Variants in PKHD1 observed in about 807,000 individuals in gnomAD.
PKHD1 encodes the protein fibrocystin.
Under a neutral mutation model 412.0 loss-of-function variants are expected in PKHD1, and 291 were observed. The ratio of observed to expected loss-of-function variants is 0.71; its 90% CI spans 0.64 to 0.78. The LOEUF (loss-of-function observed/expected upper bound fraction) is 0.78, where lower values mean the gene tolerates loss of function less well. PKHD1 is among the 30% of genes least tolerant of loss of function. PKHD1 has a pLI of 0.00. For synonymous variants in PKHD1, 1,777 were observed against 1,821.5 expected (o/e 0.98, Z 0.62); for missense variants, 4,825 against 4,950.7 (o/e 0.97, Z 0.76).
chr6:51,727,742 G>A lies in PKHD1; in HGVS notation c.10156+16643C>T, dbSNP rs371801845. On this transcript the variant is annotated intron_variant, in intron 60 of 66. Coordinates refer to ENST00000371117, the MANE Select transcript of PKHD1 (RefSeq NM_138694.4). ...GCCATTTTTGTCTCTTAGTGCATAT[G>A]CCCAGGAAGTTGCTTCTTCCTGGCG... Among the ~76,000 whole-genome samples the A allele has an allele frequency of 2.0e-5, 3 of 152,122 alleles. No homozygotes were observed. In the South Asian group the frequency reaches 6.2e-4, roughly 32 times the overall value.
intron 51 of PKHD1, among the ~76,000 whole-genome samples, chr6:51,834,194 G>T (rs904944896): frequency 6.6e-6 from 1 of 152,128 alleles, no homozygotes; most frequent in Non-Finnish European, 1.5e-5. Context: ...AACAGAAGAA[G>T]CCAGTAAGGA....
In PKHD1 at chr6:52,076,309, C is replaced by T. The variant is rs747975201; in HGVS notation, c.415G>A (p.Val139Ile). 5.0e-6 allele frequency: 8 copies of T among 1,612,384 alleles called. No homozygotes were observed. The highest frequency in any genetic ancestry group is 2.7e-5 in the African/African-American group (2 of 74,874). Residue 139 changes from valine to isoleucine, a missense_variant, in exon 6 of 67, where the codon GTT (valine) becomes ATT (isoleucine). Transcript: ENST00000371117. ...FKFSKAQTPI[V>I]HQVYPPSGVP... ...CCACTTGGTGGATAAACTTGGTGAA[C>T]GATGGGTGTCTGCGCCTTGGAAAAC...
rs564031059 is a variant in PKHD1 at position 51,896,689 on chromosome 6, G to T, written c.6996+6908C>A. On this transcript the variant is annotated intron_variant, in intron 43 of 66. Coordinates refer to ENST00000371117, the MANE Select transcript of PKHD1 (RefSeq NM_138694.4). The stretch of plus-strand genomic sequence containing the variant: ...GAATGACTTTGACGAGCTGAGAGAA[G>T]AAGGCTTCAGACGATCAAATTACTC... Among the ~76,000 whole-genome samples the T allele has an allele frequency of 5.9e-5, 9 of 152,336 alleles. 1 individual carries two copies. The South Asian group carries it at 1.9e-3, about 32-fold the overall frequency.
At chr6:52,028,419 T>G in intron 29 of PKHD1, 68 bp from the exon 30 acceptor site, 2 of 1,429,266 alleles carry the variant, frequency 1.4e-6, no homozygotes, top group Non-Finnish European at 2.0e-6. Flanking sequence ...TATTCAATTC[T>G]AAAACTGTCT....
At chr6:51,674,523 C>T (rs1425964327) in intron 60 of PKHD1, among the ~76,000 whole-genome samples, 3 of 152,046 alleles carry the variant, frequency 2.0e-5, no homozygotes, top group Admixed American at 6.6e-5. Context: ...AAAACTTGAG[C>T]CACAGCAATT....
chr6:51,903,968 A>C lies in PKHD1; in HGVS notation c.6865+18T>G. 6.6e-7 allele frequency: 1 copy of C among 1,505,214 alleles called. No homozygotes were observed. Among genetic ancestry groups the C allele is most frequent in the African/African-American group, 1.4e-5 (1 of 72,754 alleles). 93.2% of individuals were successfully genotyped at this position (1,505,214 alleles called of 1,614,324 possible). On this transcript the variant is annotated intron_variant, in intron 42 of 66. Transcript: ENST00000371117. ...TTAAATACACTGTAATAGATTTAAA[A>C]TCAATTTACATATTTACCATCTTTC...
chr6:51,755,315 T>C (rs1011773272), intron 55 of PKHD1, among the ~76,000 whole-genome samples: 5 of 152,186 alleles, frequency 3.3e-5, no homozygotes, highest in African/African-American at 1.2e-4. Context: ...TCTCTAATTT[T>C]CTAGAGAAAT....
intron 50 of PKHD1, among the ~76,000 whole-genome samples, chr6:51,837,610 G>C (rs1317263838): frequency 1.3e-5 from 2 of 152,096 alleles, no homozygotes; most frequent in African/African-American, 4.8e-5. Context: ...GGAAGCTGAG[G>C]CAGGAGAATT....
At position 51,885,752 on chromosome 6, in the gene PKHD1, C is replaced by T. The variant is rs545419169; in HGVS notation, c.7215+115G>A. ...TGTGACAGCACAGCAATGCTCCCCT[C>T]AAGGGCAAGTCAATCCCATTTAAGT... On this transcript the variant is annotated intron_variant, in intron 45 of 66. Transcript: ENST00000371117. 2.4e-5 allele frequency: 18 copies of T among 754,916 alleles called. No homozygotes were observed. In the African/African-American group the frequency reaches 2.8e-4, roughly 12 times the overall value. 46.8% of individuals were successfully genotyped at this position (754,916 alleles called of 1,614,324 possible).
At chr6:51,970,538 A>G (rs2127990628) in intron 35 of PKHD1, among the ~76,000 whole-genome samples, 1 of 152,322 alleles carries the variant, frequency 6.6e-6, no homozygotes, top group East Asian at 1.9e-4. Context: ...GCCAATATCC[A>G]AAAAAGTTTT....
In PKHD1 at chr6:51,969,302, T is replaced by C. The variant is rs1453535143; in HGVS notation, c.5752-9276A>G. 3.9e-5 allele frequency among the ~76,000 whole-genome samples: 6 copies of C among 152,294 alleles called. No individual in the cohort carries two copies. The East Asian group carries it at 1.2e-3, about 29-fold the overall frequency. On this transcript the variant is annotated intron_variant, in intron 35 of 66. Coordinates refer to ENST00000371117, the MANE Select transcript of PKHD1 (RefSeq NM_138694.4). ...CTGACAACCTGAATGAACTTGGAGG[T>C]AGACCTTGAATTCCAGATGAGAATG...
rs1807126491 is a variant in PKHD1 at position 52,053,069 on chromosome 6, T to C, written c.2140+7A>G. On this transcript the variant is annotated splice_region_variant and intron_variant, in intron 21 of 66. Transcript: ENST00000371117. ...GGCTTGTGGAGGAGAGAGAATTTGATGATTACCTGTTACGTTTGTGTCTGC... is the reference window on the plus strand; with the variant it reads ...GGCTTGTGGAGGAGAGAGAATTTGACGATTACCTGTTACGTTTGTGTCTGC... 1 of 1,613,544 alleles carries C rather than the reference T, an allele frequency of 6.2e-7. No individual in the cohort carries two copies. Among genetic ancestry groups the C allele is most frequent in the Non-Finnish European group, 8.5e-7 (1 of 1,179,708 alleles).
chr6:51,976,760 C>T (rs574767444), intron 35 of PKHD1, among the ~76,000 whole-genome samples: 27 of 152,158 alleles, frequency 1.8e-4, no homozygotes, highest in African/African-American at 6.5e-4. Context: ...CCATCCTGGA[C>T]AACATGGTGA....
chr6:51,640,360 T>G (rs939313683), intron 63 of PKHD1, among the ~76,000 whole-genome samples: 2 of 152,208 alleles, frequency 1.3e-5, no homozygotes, highest in African/African-American at 2.4e-5. Context: ...AATACCAGCT[T>G]GCCTTAGAGA....
chr6:51,967,883 A>G (rs908306262), intron 35 of PKHD1, among the ~76,000 whole-genome samples: 1 of 152,178 alleles, frequency 6.6e-6, no homozygotes, highest in Admixed American at 6.5e-5. Flanking sequence ...ACAACATGTT[A>G]TTTCCCCATG....
rs746288867 is a variant in PKHD1 at position 51,855,955 on chromosome 6, G to A, written c.7849C>T (p.Leu2617Phe). The A allele has an allele frequency of 6.2e-6, 10 of 1,613,722 alleles. 1 individual carries two copies. Among genetic ancestry groups the A allele is most frequent in the South Asian group, 4.4e-5 (4 of 91,072 alleles). The change falls in exon 49 of 67, where the codon CTC becomes TTC. Residue 2617 changes from leucine (L) to phenylalanine (F), a missense_variant. Leu to Phe is a conservative substitution (Grantham distance 22). Coordinates refer to ENST00000371117, the MANE Select transcript of PKHD1 (RefSeq NM_138694.4). ...LSNPRGWMAL[L>F]LDQETYSLQS... ...AATGAGTAGGTCTCTTGGTCCAAGAGCAGAGCCATCCAGCCACGAGGGTTA... is the reference window on the plus strand; with the variant it reads ...AATGAGTAGGTCTCTTGGTCCAAGAACAGAGCCATCCAGCCACGAGGGTTA...
rs1044664679 is a variant in PKHD1 at position 51,909,052 on chromosome 6, A to G, written c.6682+231T>C. ...ATTTAAAATACACATTCCTAAGCCT[A>G]CCTTAGACCAGAATTTGTTGGGGTA... is the stretch of plus-strand genomic sequence containing the variant. On this transcript the variant is annotated intron_variant, in intron 40 of 66. Transcript: ENST00000371117. 1.3e-4 allele frequency among the ~76,000 whole-genome samples: 20 copies of G among 152,116 alleles called. 1 individual carries two copies. The highest frequency in any genetic ancestry group is 4.8e-4 in the African/African-American group (20 of 41,432).
At chr6:51,920,896 CATTTT>C (rs1784586830) in intron 37 of PKHD1, among the ~76,000 whole-genome samples, 1 of 151,982 alleles carries the variant, frequency 6.6e-6, no homozygotes, top group Non-Finnish European at 1.5e-5. Flanking sequence ...CTATATTTTC[CATTTT>C]ATTTGTGTAG....
Position 51,772,691 on chromosome 6 carries a change from T to G in PKHD1, c.8642+11A>C. The stretch of plus-strand genomic sequence containing the variant: ...ACCAAGAAAAAGCCCTAAGTTACTC[T>G]CATTCCTTACCTCTCATTTCCTGAG... On this transcript the variant is annotated intron_variant, in intron 55 of 66. Transcript: ENST00000371117. 1 of 1,433,388 alleles carries G rather than the reference T, an allele frequency of 7.0e-7. No individual in the cohort carries two copies. The highest frequency in any genetic ancestry group is 1.2e-5 in the South Asian group (1 of 85,664). 88.8% of individuals were successfully genotyped at this position (1,433,388 alleles called of 1,614,324 possible).
Sources: gnomAD v4.1 joint callset for allele counts (sites outside exome capture counted in the v4.1 genomes callset) on GRCh38, gnomAD v4.1.1 for gene constraint, MANE v1.5 for transcripts, NCBI Gene and HGNC (gene_info 2026-07-23, HGNC 2026-07-21) for gene names.